BIRC6: variants seen among roughly 807,000 people sequenced by gnomAD.
The protein encoded by BIRC6 is baculoviral IAP repeat containing 6.
Under a neutral mutation model 503.3 loss-of-function variants are expected in BIRC6, and 98 were observed. That is an observed-to-expected ratio of 0.19 (90% confidence interval 0.17 to 0.23). The LOEUF (loss-of-function observed/expected upper bound fraction) is 0.23, where lower values mean the gene tolerates loss of function less well. Ranked by LOEUF, BIRC6 falls within the 10% of genes least tolerant of loss-of-function variation. The probability of loss-of-function intolerance (pLI) is 1.00; values close to 1 mark genes in which losing one functional copy is unlikely to be tolerated. For synonymous variants in BIRC6, 2,240 were observed against 2,078.7 expected, an observed-to-expected ratio of 1.08 and a Z score of -2.11; for missense variants, 5,360 against 5,806.0, an observed-to-expected ratio of 0.92 and a Z score of 2.50.
chr2:32,379,298 A>G (rs1257056489), intron 2 of BIRC6: 2 of 152,240 alleles, frequency 1.3e-5, no homozygotes. Flanking sequence ...ATTTTTCCCT[A>G]ATTTAAGGAA....
At chr2:32,562,219 G>A (rs907576982) in intron 65 of BIRC6, among the ~76,000 whole-genome samples, 21 of 152,022 alleles carry the variant, frequency 1.4e-4, no homozygotes, top group African/African-American at 5.1e-4. Flanking sequence ...TGTGGTTTTG[G>A]TTGTTCTTAA....
At chr2:32,495,252 A>G (rs566204294) in intron 45 of BIRC6, among the ~76,000 whole-genome samples, 1 of 152,336 alleles carries the variant, frequency 6.6e-6, no homozygotes, top group East Asian at 1.9e-4. Context: ...CTAATATTTA[A>G]GCAGAGATAT....
At chr2:32,505,634 A>G (rs1384762774) in intron 50 of BIRC6, among the ~76,000 whole-genome samples, 1 of 152,186 alleles carries the variant, frequency 6.6e-6, no homozygotes, top group Non-Finnish European at 1.5e-5. Flanking sequence ...CTTTTTGAAT[A>G]ATATTATATT....
At chr2:32,460,272 ATTTTTTT>A (rs70938346) in intron 23 of BIRC6, among the ~76,000 whole-genome samples, 530 of 18,578 alleles carry the variant, frequency 0.029, 8 homozygotes, top group African/African-American at 0.098. Flanking sequence ...ATATATATAT[ATTTTTTT>A]TTTTTTTTTT....
At chr2:32,408,396 C>T (rs972160486) in intron 9 of BIRC6, among the ~76,000 whole-genome samples, 2 of 152,168 alleles carry the variant, frequency 1.3e-5, no homozygotes, top group Admixed American at 6.5e-5. Context: ...AGAGGTGAGC[C>T]ACTGCGCCCG....
rs909000314 is a variant in BIRC6, at chr2:32,504,759, C to T, written c.9500-246C>T. Among the ~76,000 whole-genome samples the T allele has an allele frequency of 4.6e-5, 7 of 152,100 alleles. No homozygotes were observed. The East Asian group carries it at 5.8e-4, about 13-fold the overall frequency. The stretch of plus-strand genomic sequence containing the variant: ...CGTTTATTGCTGTGTCTTTAGTTTT[C>T]GTGTATCATATGAGTACAAAGTAGA... On this transcript the variant is annotated intron_variant, in intron 49 of 73. Transcript: ENST00000421745.
intron 66 of BIRC6, among the ~76,000 whole-genome samples, chr2:32,580,667 T>C (rs2060612110): frequency 6.6e-6 from 1 of 152,158 alleles, no homozygotes; most frequent in African/African-American, 2.4e-5. Flanking sequence ...TGTAGTTGAA[T>C]GGTTGGAGGG....
At position 32,558,222 on chromosome 2, in the gene BIRC6, G is replaced by T. The variant is rs545900706; in HGVS notation, c.13144+8741G>T. ...AAATATAATGAAAATGTAGAAGTTAGATTCTGCCATTTACGTATTCTGTAT... is the reference window on the plus strand; with the variant it reads ...AAATATAATGAAAATGTAGAAGTTATATTCTGCCATTTACGTATTCTGTAT... On this transcript the variant is annotated intron_variant, in intron 65 of 73. Transcript: ENST00000421745. Among the ~76,000 whole-genome samples, 265 of 152,176 alleles carry T rather than the reference G, an allele frequency of 1.7e-3. 1 individual carries two copies. The highest frequency in any genetic ancestry group is 6.0e-3 in the African/African-American group (248 of 41,534).
intron 66 of BIRC6, among the ~76,000 whole-genome samples, chr2:32,585,550 T>A (rs553653468): frequency 6.6e-6 from 1 of 152,238 alleles, no homozygotes; most frequent in East Asian, 1.9e-4. Context: ...CGGCTAATTT[T>A]TGTATATTTT....
chr2:32,378,722 G>T (rs1383902526), intron 2 of BIRC6, among the ~76,000 whole-genome samples: 2 of 152,184 alleles, frequency 1.3e-5, no homozygotes, highest in Admixed American at 1.3e-4. Flanking sequence ...CTCCCAAAGT[G>T]CTGGGATTAT....
At chr2:32,462,776 C>T (rs2048135607) in intron 23 of BIRC6, among the ~76,000 whole-genome samples, 3 of 151,936 alleles carry the variant, frequency 2.0e-5, no homozygotes, top group South Asian at 2.1e-4. Context: ...GCCAATATGG[C>T]GAGACCGCAT....
intron 15 of BIRC6, among the ~76,000 whole-genome samples, 154 bp from the exon 16 acceptor site, chr2:32,439,354 G>T (rs1451365571): frequency 6.6e-6 from 1 of 152,104 alleles, no homozygotes; most frequent in Non-Finnish European, 1.5e-5. Context: ...TGTGAAGGTG[G>T]TTCAACTTTC....
intron 1 of BIRC6, among the ~76,000 whole-genome samples, chr2:32,370,253 A>G (rs1042617177): frequency 2.2e-4 from 33 of 152,046 alleles, no homozygotes; most frequent in African/African-American, 7.2e-4. Context: ...TCTCCATGAT[A>G]AATTTTTCGT....
At chr2:32,396,117 C>G (rs1000457363) in intron 6 of BIRC6, among the ~76,000 whole-genome samples, 1 of 152,032 alleles carries the variant, frequency 6.6e-6, no homozygotes, top group Non-Finnish European at 1.5e-5. Flanking sequence ...ATTATTATAG[C>G]AAATATTTAT....
intron 66 of BIRC6, among the ~76,000 whole-genome samples, chr2:32,592,059 A>G (rs2061413491): frequency 6.6e-6 from 1 of 152,250 alleles, no homozygotes; most frequent in Non-Finnish European, 1.5e-5. Flanking sequence ...AAGACACAGT[A>G]TAGTAGTTGA....
At chr2:32,424,327 T>A (rs1279023436) in intron 10 of BIRC6, among the ~76,000 whole-genome samples, 20 of 151,996 alleles carry the variant, frequency 1.3e-4, no homozygotes, top group Admixed American at 1.3e-3. Context: ...CACTGCGAGG[T>A]CTTGGAACTG....
At chr2:32,602,750 T>C (rs2062149677) in intron 70 of BIRC6, 3 of 389,486 alleles carry the variant, frequency 7.7e-6, no homozygotes, top group African/African-American at 6.2e-5. Context: ...TTAGTTTTCA[T>C]TAAAATGTTA....
chr2:32,552,186 C>A (rs939917854), intron 65 of BIRC6, among the ~76,000 whole-genome samples: 1 of 152,128 alleles, frequency 6.6e-6, no homozygotes, highest in Non-Finnish European at 1.5e-5. Context: ...GTCCCACACC[C>A]TTTTTGCCCT....
chr2:32,377,902 C>T, intron 2 of BIRC6, 133 bp downstream of exon 2: 1 of 733,172 alleles, frequency 1.4e-6, no homozygotes, highest in Non-Finnish European at 2.1e-6. Flanking sequence ...ACTTATTGAC[C>T]ACAACTTCAT....
Sources: allele counts gnomAD v4.1 joint callset (sites outside exome capture counted in the v4.1 genomes callset), GRCh38; gene constraint gnomAD v4.1.1; transcripts MANE v1.5; gene names NCBI Gene and HGNC (gene_info 2026-07-23, HGNC 2026-07-21).